The following RBFOX1 variants were observed in gnomAD, a reference collection of about 807,000 sequenced individuals.
RBFOX1 encodes the protein RNA binding protein fox-1 homolog 1.
In RBFOX1, 8 loss-of-function variants were observed where a neutral mutation model predicts 57.7. That is an observed-to-expected ratio of 0.14 (90% confidence interval 0.08 to 0.25). The LOEUF is 0.25. Among genes scored for constraint, RBFOX1 ranks in the 10% least tolerant of loss-of-function variants. The pLI is 1.00. For synonymous variants in RBFOX1, 326 were observed against 222.4 expected (o/e 1.47, Z -4.15); for missense variants, 611 against 548.5 (o/e 1.11, Z -1.14).
chr16:5,651,040 C>CTTTTTTTTTTTTTT lies in RBFOX1; in HGVS notation c.318+52096_318+52109dup, dbSNP rs869240597. 4.4e-3 allele frequency among the ~76,000 whole-genome samples: 252 copies of CTTTTTTTTTTTTTT among 56,890 alleles called. 81 individuals carry two copies. The highest frequency in any genetic ancestry group is 0.011 in the East Asian group (19 of 1,722). The allele number at this position is 56,890 out of a possible 152,430, so 37.3% of individuals were successfully genotyped here. The stretch of plus-strand genomic sequence containing the variant: ...TCCTCTGGGAGAACACTACCTCCTT[C>CTTTTTTTTTTTTTT]TTTTTTTTTTTTTTTTTTTTTTTTT... On this transcript the variant is annotated intron_variant, in intron 3 of 19. Transcript: ENST00000641259.
At chr16:6,184,136 C>A (rs1360884793) in intron 1 of RBFOX1, among the ~76,000 whole-genome samples, 2 of 152,142 alleles carry the variant, frequency 1.3e-5, no homozygotes, top group African/African-American at 4.8e-5. Flanking sequence ...TTATTCACTA[C>A]CATGAAAACA....
At chr16:6,502,882 C>T (rs2095978692) in intron 2 of RBFOX1, among the ~76,000 whole-genome samples, 1 of 152,242 alleles carries the variant, frequency 6.6e-6, no homozygotes, top group East Asian at 1.9e-4. Flanking sequence ...CGTTTTATAG[C>T]AATGCCATGT....
At chr16:6,226,946 T>TAAAA (rs573474385) in intron 1 of RBFOX1, among the ~76,000 whole-genome samples, 12 of 101,048 alleles carry the variant, frequency 1.2e-4, no homozygotes, top group African/African-American at 3.9e-4. Context: ...CCATCTCTAC[T>TAAAA]AAAAAAAAAA....
At chr16:5,407,046 T>A (rs1248175263) in intron 1 of RBFOX1, among the ~76,000 whole-genome samples, 1 of 152,204 alleles carries the variant, frequency 6.6e-6, no homozygotes, top group Non-Finnish European at 1.5e-5. Context: ...AGAGGTTTAG[T>A]TGACTCAGTT....
At chr16:7,492,405 C>T (rs1483434257) in intron 4 of RBFOX1, among the ~76,000 whole-genome samples, 1 of 151,910 alleles carries the variant, frequency 6.6e-6, no homozygotes, top group Non-Finnish European at 1.5e-5. Context: ...CAGATACTTC[C>T]CTATAATCAT....
chr16:7,245,320 T>C (rs184672371), intron 4 of RBFOX1, among the ~76,000 whole-genome samples: 4 of 152,356 alleles, frequency 2.6e-5, no homozygotes, highest in Admixed American at 1.3e-4. Context: ...CTCTTGAGTT[T>C]TTTTAAATTT....
At chr16:6,281,267 C>T (rs2076350850) in intron 1 of RBFOX1, among the ~76,000 whole-genome samples, 1 of 152,132 alleles carries the variant, frequency 6.6e-6, no homozygotes, top group Non-Finnish European at 1.5e-5. Context: ...GGAATTGTCA[C>T]CATAACCTTC....
At chr16:6,255,721 A>G (rs2097657074) in intron 1 of RBFOX1, among the ~76,000 whole-genome samples, 1 of 152,072 alleles carries the variant, frequency 6.6e-6, no homozygotes, top group African/African-American at 2.4e-5. Context: ...GTAAAAAAAG[A>G]ATGAGTTCAT....
At chr16:7,142,093 A>T (rs565616489) in intron 4 of RBFOX1, among the ~76,000 whole-genome samples, 87 of 151,970 alleles carry the variant, frequency 5.7e-4, no homozygotes, top group African/African-American at 2.0e-3. Flanking sequence ...GTGTGATCAT[A>T]GCTCAGTGCA....
At chr16:5,750,588 CG>C (rs2053160557) in intron 3 of RBFOX1, among the ~76,000 whole-genome samples, 1 of 152,230 alleles carries the variant, frequency 6.6e-6, no homozygotes, top group Admixed American at 6.5e-5. Context: ...CCCCCAGCCT[CG>C]CTGCCGTCTT....
In RBFOX1 at chr16:6,669,048, C is replaced by T. The variant is rs746968951; in HGVS notation, c.-16+14398C>T. 3.7e-4 allele frequency among the ~76,000 whole-genome samples: 56 copies of T among 152,254 alleles called. No homozygotes were observed. The Middle Eastern group carries it at 0.017, about 46-fold the overall frequency. On this transcript the variant is annotated intron_variant, in intron 3 of 15. Coordinates refer to ENST00000550418, the MANE Select transcript of RBFOX1 (RefSeq NM_018723.4). ...TTCTTGATGTGTGATTGGGTGACTTCACACTTTAGATAGAAAGCATGCCCT... is the reference window on the plus strand; with the variant it reads ...TTCTTGATGTGTGATTGGGTGACTTTACACTTTAGATAGAAAGCATGCCCT...
intron 3 of RBFOX1, among the ~76,000 whole-genome samples, chr16:6,926,489 T>A (rs1456165126): frequency 6.6e-6 from 1 of 152,142 alleles, no homozygotes; most frequent in East Asian, 1.9e-4. Context: ...TTGATTAAGT[T>A]AATGACATTT....
At chr16:7,313,570 G>A (rs1294282907) in intron 4 of RBFOX1, among the ~76,000 whole-genome samples, 2 of 149,884 alleles carry the variant, frequency 1.3e-5, no homozygotes, top group East Asian at 2.0e-4. Context: ...TAGGTAACGA[G>A]ATAAGCCAGC....
intron 3 of RBFOX1, among the ~76,000 whole-genome samples, chr16:7,013,593 A>C (rs1597013349): frequency 6.6e-6 from 1 of 152,188 alleles, no homozygotes; most frequent in African/African-American, 2.4e-5. Flanking sequence ...CTATCATTGC[A>C]ACACAACTAC....
intron 3 of RBFOX1, among the ~76,000 whole-genome samples, chr16:5,692,602 G>C (rs922130721): frequency 6.6e-6 from 1 of 152,148 alleles, no homozygotes; most frequent in African/African-American, 2.4e-5. Flanking sequence ...GTGAAGATTT[G>C]TTATGCAGCA....
At position 7,711,630 on chromosome 16, in the gene RBFOX1, T is replaced by A. The variant is rs2084016142; in HGVS notation, c.*885T>A. On this transcript the variant is annotated 3_prime_UTR_variant, in exon 16 of 16. Coordinates refer to ENST00000550418, the MANE Select transcript of RBFOX1 (RefSeq NM_018723.4). ...CTTTTTTTCCAAAAAAAGAAAGTAA[T>A]AAAAACTTAAATTCTTTGTACCAGT... 6.6e-6 allele frequency: 1 copy of A among 152,424 alleles called. No individual in the cohort carries two copies. The highest frequency in any genetic ancestry group is 1.5e-5 in the Non-Finnish European group (1 of 67,990). The allele number at this position is 152,424 out of a possible 1,614,324, so 9.4% of individuals were successfully genotyped here. A position where few individuals can be genotyped will look rare whatever the true frequency, so the allele number is the denominator to read the frequency against.
intron 4 of RBFOX1, among the ~76,000 whole-genome samples, chr16:7,192,426 G>A (rs979496046): frequency 6.6e-6 from 1 of 152,118 alleles, no homozygotes; most frequent in African/African-American, 2.4e-5. Context: ...TGCCTATAGA[G>A]GCCAGAAGGG....
At chr16:6,699,708 A>G (rs759187984) in intron 3 of RBFOX1, among the ~76,000 whole-genome samples, 9 of 152,198 alleles carry the variant, frequency 5.9e-5, no homozygotes, top group Non-Finnish European at 8.8e-5. Flanking sequence ...AGAAGGACAT[A>G]AAATGAATGA....
At chr16:7,278,630 C>T (rs1477399372) in intron 4 of RBFOX1, among the ~76,000 whole-genome samples, 1 of 152,146 alleles carries the variant, frequency 6.6e-6, no homozygotes, top group Non-Finnish European at 1.5e-5. Context: ...TCTCTATAAC[C>T]AGTCTTTTTG....
Sources: gnomAD v4.1 joint callset for allele counts (sites outside exome capture counted in the v4.1 genomes callset) on GRCh38, gnomAD v4.1.1 for gene constraint, MANE v1.5 for transcripts, NCBI Gene and HGNC (gene_info 2026-07-23, HGNC 2026-07-21) for gene names.